CSMD3: variants seen among roughly 807,000 people sequenced by gnomAD.
CSMD3 encodes CUB and sushi domain-containing protein 3.
In CSMD3, 177 loss-of-function variants were observed where a neutral mutation model predicts 435.2. The ratio of observed to expected loss-of-function variants is 0.41; its 90% CI spans 0.36 to 0.46. The LOEUF (loss-of-function observed/expected upper bound fraction) is 0.46, where lower values mean the gene tolerates loss of function less well. Ranked by LOEUF, CSMD3 falls within the 20% of genes least tolerant of loss-of-function variation. The pLI is 0.34. For synonymous variants in CSMD3, 1,656 were observed against 1,520.5 expected (o/e 1.09, Z -2.07); for missense variants, 4,265 against 4,504.6 (o/e 0.95, Z 1.52).
intron 3 of CSMD3, among the ~76,000 whole-genome samples, chr8:113,241,991 T>C (rs2093223743): frequency 6.6e-6 from 1 of 150,916 alleles, no homozygotes. Context: ...GTTTTATATC[T>C]ATATACATAT....
At chr8:112,707,630 A>G (rs2076527902) in intron 13 of CSMD3, among the ~76,000 whole-genome samples, 1 of 151,952 alleles carries the variant, frequency 6.6e-6, no homozygotes, top group African/African-American at 2.4e-5. Flanking sequence ...TCTTTCCTCA[A>G]CCTTTGAGGG....
chr8:112,878,738 A>G (rs528921963), intron 10 of CSMD3, among the ~76,000 whole-genome samples: 1 of 152,306 alleles, frequency 6.6e-6, no homozygotes, highest in East Asian at 1.9e-4. Flanking sequence ...ATGCAGCCAG[A>G]AAAAGAATGA....
intron 6 of CSMD3, among the ~76,000 whole-genome samples, chr8:112,980,318 G>T (rs1328522876): frequency 1.3e-5 from 2 of 151,012 alleles, no homozygotes; most frequent in African/African-American, 2.4e-5. Flanking sequence ...CATATTCAAA[G>T]AAGTTTTTAG....
rs576819531 is a variant in CSMD3 at position 112,574,843 on chromosome 8, C to T, written c.3886-1186G>A. On this transcript the variant is annotated intron_variant, in intron 23 of 70. Coordinates refer to ENST00000297405, the MANE Select transcript of CSMD3 (RefSeq NM_198123.2). ...GAATACTGCTTGAAGTTACTGATCT[C>T]TTAGCTCAGATTGCCTTACTTACTC... Among the ~76,000 whole-genome samples, 3 of 151,956 alleles carry T rather than the reference C, an allele frequency of 2.0e-5. No individual in the cohort carries two copies. In the South Asian group the frequency reaches 6.2e-4, roughly 32 times the overall value.
intron 32 of CSMD3, among the ~76,000 whole-genome samples, chr8:112,441,663 C>T (rs755837602): frequency 1.3e-5 from 2 of 152,182 alleles, no homozygotes; most frequent in Non-Finnish European, 2.9e-5. Flanking sequence ...AATTTACAAT[C>T]ATGGCAGAAG....
intron 3 of CSMD3, among the ~76,000 whole-genome samples, chr8:113,232,465 T>C (rs2093099479): frequency 1.3e-5 from 2 of 151,840 alleles, no homozygotes; most frequent in Admixed American, 1.3e-4. Flanking sequence ...TCTCACTCTG[T>C]AATTCTAAGG....
chr8:112,346,093 A>C lies in CSMD3; in HGVS notation c.6442+4T>G, dbSNP rs1189506263. 2.0e-6 allele frequency: 3 copies of C among 1,495,574 alleles called. No homozygotes were observed. The highest frequency in any genetic ancestry group is 2.8e-6 in the Non-Finnish European group (3 of 1,071,864). The allele number at this position is 1,495,574 out of a possible 1,614,324, so 92.6% of individuals were successfully genotyped here. A position where few individuals can be genotyped will look rare whatever the true frequency, so the allele number is the denominator to read the frequency against. ...GCTCTTTCACGTGTTTTTAATACAC[A>C]TACCAAAACCTATGGGTAGATTTAT... On this transcript the variant is annotated splice_donor_region_variant and intron_variant, in intron 41 of 70. Transcript: ENST00000297405.
chr8:113,151,004 C>T (rs1407083016), intron 4 of CSMD3, among the ~76,000 whole-genome samples: 4 of 151,776 alleles, frequency 2.6e-5, no homozygotes, highest in African/African-American at 4.8e-5. Flanking sequence ...GAATTTAGCA[C>T]ATAAAAATTA....
At chr8:112,260,998 C>T (rs1816337663) in intron 61 of CSMD3, among the ~76,000 whole-genome samples, 1 of 151,978 alleles carries the variant, frequency 6.6e-6, no homozygotes, top group African/African-American at 2.4e-5. Context: ...AGAAGGAGCT[C>T]CTTTGGATGT....
intron 4 of CSMD3, among the ~76,000 whole-genome samples, chr8:113,125,528 A>G (rs2091101462): frequency 6.6e-6 from 1 of 151,946 alleles, no homozygotes; most frequent in African/African-American, 2.4e-5. Flanking sequence ...GAGACAAGAC[A>G]GGGAGTGAGA....
intron 23 of CSMD3, among the ~76,000 whole-genome samples, chr8:112,581,699 T>C (rs1408329165): frequency 6.6e-6 from 1 of 152,090 alleles, no homozygotes; most frequent in East Asian, 1.9e-4. Flanking sequence ...TGGAGTTAAA[T>C]AGTTCCTGCT....
At chr8:112,674,214 G>A (rs548079133) in intron 16 of CSMD3, among the ~76,000 whole-genome samples, 2 of 152,220 alleles carry the variant, frequency 1.3e-5, no homozygotes, top group African/African-American at 4.8e-5. Flanking sequence ...ACTTGGAGTA[G>A]AGAAGGTATT....
At chr8:113,158,712 AT>A (rs1222005778) in intron 4 of CSMD3, among the ~76,000 whole-genome samples, 1 of 151,960 alleles carries the variant, frequency 6.6e-6, no homozygotes, top group Non-Finnish European at 1.5e-5. Flanking sequence ...TACATTTTGT[AT>A]TCTGATTCTG....
At chr8:112,351,392 T>C in intron 39 of CSMD3, 148 bp from the exon 40 acceptor site, 1 of 601,780 alleles carries the variant, frequency 1.7e-6, no homozygotes, top group Non-Finnish European at 3.0e-6. Flanking sequence ...CTTAGCATGA[T>C]TAAAGTAAGA....
intron 56 of CSMD3, 28 bp downstream of exon 56, chr8:112,291,482 C>A: frequency 6.7e-7 from 1 of 1,496,108 alleles, no homozygotes; most frequent in South Asian, 1.1e-5. Context: ...GACATGTTCT[C>A]AAGAAACAAT....
At chr8:112,715,658 C>T (rs886368379) in intron 13 of CSMD3, among the ~76,000 whole-genome samples, 2 of 152,042 alleles carry the variant, frequency 1.3e-5, no homozygotes, top group African/African-American at 4.8e-5. Context: ...TGATGAACAT[C>T]GAAGTGAAAC....
chr8:112,512,498 CT>C (rs1313768442), intron 28 of CSMD3, among the ~76,000 whole-genome samples: 1 of 152,140 alleles, frequency 6.6e-6, no homozygotes, highest in African/African-American at 2.4e-5. Flanking sequence ...TGAAAATCAT[CT>C]TTTTTTCTGA....
At chr8:113,341,230 C>G (rs1386570731) in intron 1 of CSMD3, among the ~76,000 whole-genome samples, 1 of 151,984 alleles carries the variant, frequency 6.6e-6, no homozygotes, top group Non-Finnish European at 1.5e-5. Flanking sequence ...CAAAGCCTCT[C>G]GTAGCTATTT....
intron 58 of CSMD3, among the ~76,000 whole-genome samples, chr8:112,283,481 A>G (rs1818866815): frequency 6.6e-6 from 1 of 151,708 alleles, no homozygotes; most frequent in African/African-American, 2.4e-5. Context: ...TTATATATGC[A>G]TATGTGTATA....
Sources: gnomAD v4.1 joint callset for allele counts (sites outside exome capture counted in the v4.1 genomes callset) on GRCh38, gnomAD v4.1.1 for gene constraint, MANE v1.5 for transcripts, NCBI Gene and HGNC (gene_info 2026-07-23, HGNC 2026-07-21) for gene names.